BNC2: variants seen among roughly 807,000 people sequenced by gnomAD.
BNC2 encodes basonuclin zinc finger protein 2.
In BNC2, 20 loss-of-function variants were observed where a neutral mutation model predicts 76.3. The observed-to-expected ratio is 0.26, with a 90% CI of 0.18 to 0.38. BNC2 has a LOEUF of 0.38. Ranked by LOEUF, BNC2 falls within the 10% of genes least tolerant of loss-of-function variation. The probability of loss-of-function intolerance (pLI) is 1.00; values close to 1 mark genes in which losing one functional copy is unlikely to be tolerated. For missense variants in BNC2, 1,382 were observed against 1,399.8 expected (o/e 0.99, Z 0.20); for synonymous variants, 582 against 514.8 (o/e 1.13, Z -1.77).
At chr9:16,678,676 T>C (rs1190146758) in intron 3 of BNC2, among the ~76,000 whole-genome samples, 1 of 151,578 alleles carries the variant, frequency 6.6e-6, no homozygotes, top group Non-Finnish European at 1.5e-5. Flanking sequence ...ATTTCCATGA[T>C]TGTTTTTACA....
intron 1 of BNC2, among the ~76,000 whole-genome samples, chr9:16,769,207 G>A (rs975965781): frequency 2.0e-5 from 3 of 152,168 alleles, no homozygotes; most frequent in South Asian, 4.1e-4. Context: ...AACTAAGTGC[G>A]CTTTTTGTTT....
At chr9:16,774,905 C>A (rs1463538725) in intron 1 of BNC2, among the ~76,000 whole-genome samples, 1 of 152,144 alleles carries the variant, frequency 6.6e-6, no homozygotes, top group Non-Finnish European at 1.5e-5. Context: ...TTGTATTTTG[C>A]CAATGAAGCG....
At chr9:16,859,776 A>T (rs1819350683) in intron 1 of BNC2, among the ~76,000 whole-genome samples, 1 of 152,226 alleles carries the variant, frequency 6.6e-6, no homozygotes, top group African/African-American at 2.4e-5. Flanking sequence ...TGTTCTAGAG[A>T]TCTGCTGTAC....
chr9:16,842,452 G>A (rs1818856515), intron 1 of BNC2, among the ~76,000 whole-genome samples: 1 of 152,094 alleles, frequency 6.6e-6, no homozygotes, highest in Non-Finnish European at 1.5e-5. Flanking sequence ...AAAACAGTGG[G>A]TCAAAAAGTA....
At chr9:16,819,824 A>G (rs1173339369) in intron 1 of BNC2, among the ~76,000 whole-genome samples, 3 of 136,832 alleles carry the variant, frequency 2.2e-5, no homozygotes, top group African/African-American at 5.3e-5. Context: ...TTTTTTTTTT[A>G]TCTCTAAAAA....
intron 3 of BNC2, among the ~76,000 whole-genome samples, chr9:16,602,793 G>C (rs560379303): frequency 2.0e-5 from 3 of 152,314 alleles, no homozygotes; most frequent in African/African-American, 7.2e-5. Flanking sequence ...TGATGGCTTA[G>C]ACAGATGGGA....
chr9:16,470,245 C>T (rs1307173185), intron 5 of BNC2, among the ~76,000 whole-genome samples: 1 of 152,020 alleles, frequency 6.6e-6, no homozygotes, highest in Non-Finnish European at 1.5e-5. Context: ...GATCCGCCCA[C>T]CTCGGCCTCC....
chr9:16,870,583 G>C, intron 1 of BNC2, 63 bp downstream of exon 1: 1 of 1,592,864 alleles, frequency 6.3e-7, no homozygotes, highest in Non-Finnish European at 8.6e-7. Flanking sequence ...GTGGCGCTCG[G>C]GCGCGGGGGT....
At chr9:16,846,993 A>G (rs1455115812) in intron 1 of BNC2, among the ~76,000 whole-genome samples, 1 of 152,178 alleles carries the variant, frequency 6.6e-6, no homozygotes, top group East Asian at 1.9e-4. Flanking sequence ...AAAGTACACT[A>G]TTTCTGCAAA....
chr9:16,554,513 G>C (rs1160645839), intron 4 of BNC2, among the ~76,000 whole-genome samples: 1 of 152,118 alleles, frequency 6.6e-6, no homozygotes, highest in East Asian at 1.9e-4. Flanking sequence ...TATTCTAGTG[G>C]TTAAGTCAAC....
At chr9:16,709,322 G>C (rs944474893) in intron 3 of BNC2, among the ~76,000 whole-genome samples, 1 of 152,202 alleles carries the variant, frequency 6.6e-6, no homozygotes, top group Admixed American at 6.5e-5. Context: ...GGAATAACTT[G>C]AATCAGCAAC....
intron 3 of BNC2, among the ~76,000 whole-genome samples, chr9:16,676,151 T>C (rs1337797480): frequency 1.3e-5 from 2 of 152,218 alleles, no homozygotes; most frequent in Non-Finnish European, 2.9e-5. Flanking sequence ...TGAGATTCCA[T>C]TATCTACTCA....
chr9:16,704,318 G>A (rs1337386415), intron 3 of BNC2, among the ~76,000 whole-genome samples: 1 of 152,172 alleles, frequency 6.6e-6, no homozygotes, highest in Non-Finnish European at 1.5e-5. Flanking sequence ...TTTCCCTAAG[G>A]AAGGATAGGG....
chr9:16,501,428 T>C (rs1822515237), intron 5 of BNC2, among the ~76,000 whole-genome samples: 1 of 152,154 alleles, frequency 6.6e-6, no homozygotes, highest in African/African-American at 2.4e-5. Context: ...TTTACAACTT[T>C]TCAACACTTT....
At chr9:16,855,541 T>C (rs909397246) in intron 1 of BNC2, among the ~76,000 whole-genome samples, 3 of 152,108 alleles carry the variant, frequency 2.0e-5, no homozygotes, top group Non-Finnish European at 4.4e-5. Flanking sequence ...TAAAAGCATC[T>C]TTTTTTTGTT....
At chr9:16,553,882 T>C (rs1272354164) in intron 4 of BNC2, among the ~76,000 whole-genome samples, 4 of 152,200 alleles carry the variant, frequency 2.6e-5, no homozygotes, top group Non-Finnish European at 5.9e-5. Flanking sequence ...CTGCAAAGAT[T>C]AGTGAGATAA....
At chr9:16,865,785 T>TA (rs1563977441) in intron 1 of BNC2, among the ~76,000 whole-genome samples, 1 of 152,200 alleles carries the variant, frequency 6.6e-6, no homozygotes, top group Non-Finnish European at 1.5e-5. Context: ...ATATCATTCT[T>TA]ACGCATATTG....
chr9:16,784,583 G>T (rs754330210), intron 1 of BNC2, among the ~76,000 whole-genome samples: 2 of 152,176 alleles, frequency 1.3e-5, no homozygotes, highest in Non-Finnish European at 2.9e-5. Context: ...TGAGCACAGA[G>T]GTAAGGGCTT....
At chr9:16,814,437 G>A (rs926796884) in intron 1 of BNC2, among the ~76,000 whole-genome samples, 6 of 152,166 alleles carry the variant, frequency 3.9e-5, no homozygotes, top group Admixed American at 1.3e-4. Flanking sequence ...AGGGCCTAGA[G>A]AAGCCTTACT....
Sources: allele counts gnomAD v4.1 joint callset (sites outside exome capture counted in the v4.1 genomes callset), GRCh38; gene constraint gnomAD v4.1.1; transcripts MANE v1.5; gene names NCBI Gene and HGNC (gene_info 2026-07-23, HGNC 2026-07-21).